CDS1: variants seen among roughly 807,000 people sequenced by gnomAD.
The protein encoded by CDS1 is phosphatidate cytidylyltransferase 1.
In CDS1, 41 loss-of-function variants were observed where a neutral mutation model predicts 62.1. The observed-to-expected ratio is 0.66, with a 90% CI of 0.51 to 0.86. The LOEUF is 0.86. CDS1 is among the 40% of genes least tolerant of loss of function. The probability of loss-of-function intolerance (pLI) is 0.00; values close to 1 mark genes in which losing one functional copy is unlikely to be tolerated. For missense variants in CDS1, 470 were observed against 550.1 expected (o/e 0.85, Z 1.46); for synonymous variants, 185 against 192.6 (o/e 0.96, Z 0.32).
At chr4:84,609,600 C>T (rs1723252763) in intron 3 of CDS1, 75 bp downstream of exon 3, 1 of 836,880 alleles carries the variant, frequency 1.2e-6, no homozygotes, top group Non-Finnish European at 2.0e-6. Context: ...GTAATTTGAG[C>T]ATATCATAAA....
rs1267926972 is a variant in CDS1, at chr4:84,635,210, A to G, written c.723-54A>G. Reference sequence around the variant, plus strand: ...ATCATAACCTTTCCGAATATCTGCCACTTACTCAGGTGAACTTTTTTCTGC... The same window carrying G: ...ATCATAACCTTTCCGAATATCTGCCGCTTACTCAGGTGAACTTTTTTCTGC... On this transcript the variant is annotated intron_variant, in intron 7 of 12. Transcript: ENST00000295887. 10 of 851,348 alleles carry G rather than the reference A, an allele frequency of 1.2e-5. No homozygotes were observed. In the East Asian group the frequency reaches 2.4e-4, roughly 21 times the overall value. 52.7% of individuals were successfully genotyped at this position (851,348 alleles called of 1,614,324 possible).
chr4:84,597,598 ACTGCACTCCAAC>A (rs1722791553), intron 1 of CDS1, among the ~76,000 whole-genome samples: 1 of 152,082 alleles, frequency 6.6e-6, no homozygotes, highest in African/African-American at 2.4e-5. Context: ...ATGATAGTGC[ACTGCACTCCAAC>A]CTGGGTGACC....
chr4:84,609,038 G>T (rs1452828471), intron 2 of CDS1, among the ~76,000 whole-genome samples: 1 of 151,858 alleles, frequency 6.6e-6, no homozygotes, highest in African/African-American at 2.4e-5. Context: ...AATTAGCCGG[G>T]TGTGGTGGCG....
chr4:84,640,890 G>A lies in CDS1; in HGVS notation c.932G>A (p.Arg311Gln), dbSNP rs776915359. The A allele has an allele frequency of 8.7e-6, 14 of 1,610,860 alleles. No homozygotes were observed. Among genetic ancestry groups the A allele is most frequent in the South Asian group, 4.4e-5 (4 of 90,662 alleles). The change falls in exon 10 of 13, where the codon CGA (arginine) becomes CAA (glutamine). Residue 311 changes from arginine to glutamine, a missense_variant. By Grantham distance (43) the Arg-to-Gln change is conservative (BLOSUM62 1). Coordinates refer to ENST00000295887, the MANE Select transcript of CDS1 (RefSeq NM_001263.4). ...TACTTTGTCTGCCCAGTGGAATACC[G>A]AAGTGATGTAAACTCCTTCGTGACA... The part of the protein sequence containing the change: ...YQYFVCPVEY[R>Q]SDVNSFVTEC...
chr4:84,642,902 T>C, intron 10 of CDS1, 122 bp from the exon 11 acceptor site: 1 of 969,368 alleles, frequency 1.0e-6, no homozygotes, highest in Non-Finnish European at 1.5e-6. Flanking sequence ...TTTGAAAAAT[T>C]AACAAAAATG....
At chr4:84,630,222 A>G (rs888631439) in intron 5 of CDS1, among the ~76,000 whole-genome samples, 27 of 152,312 alleles carry the variant, frequency 1.8e-4, no homozygotes, top group African/African-American at 5.8e-4. Context: ...TTTTGATGCC[A>G]TTAATTTCAT....
At chr4:84,645,393 G>T in intron 12 of CDS1, 68 bp downstream of exon 12, 2 of 972,808 alleles carry the variant, frequency 2.1e-6, no homozygotes, top group South Asian at 2.7e-5. Context: ...ACATTAGTTT[G>T]AGTAAGTTAA....
In CDS1 at chr4:84,634,000, C is replaced by T. The variant is rs76109142; in HGVS notation, c.722+61C>T. Reference sequence around the variant, plus strand: ...TCATAGCACTTTTATAGTTCTTTAACGTTGGATAGTGTCTTACAGATTTCT... The same window carrying T: ...TCATAGCACTTTTATAGTTCTTTAATGTTGGATAGTGTCTTACAGATTTCT... On this transcript the variant is annotated intron_variant, in intron 7 of 12. Transcript: ENST00000295887. 8.3e-3 allele frequency: 7,639 copies of T among 921,570 alleles called. 392 individuals carry two copies. The African/African-American group carries it at 0.11, about 14-fold the overall frequency. 57.1% of individuals were successfully genotyped at this position (921,570 alleles called of 1,614,324 possible).
intron 5 of CDS1, among the ~76,000 whole-genome samples, chr4:84,621,863 A>G (rs1723696745): frequency 6.6e-6 from 1 of 152,218 alleles, no homozygotes; most frequent in Non-Finnish European, 1.5e-5. Flanking sequence ...ACTGGTACTC[A>G]TATGATGGTA....
At chr4:84,638,361 G>A (rs1429377354) in intron 8 of CDS1, among the ~76,000 whole-genome samples, 1 of 152,146 alleles carries the variant, frequency 6.6e-6, no homozygotes, top group Non-Finnish European at 1.5e-5. Flanking sequence ...GTCAATACTT[G>A]AGCAAATACA....
At chr4:84,640,791 A>C in intron 9 of CDS1, 47 bp from the exon 10 acceptor site, 2 of 1,429,152 alleles carry the variant, frequency 1.4e-6, no homozygotes, top group Non-Finnish European at 9.3e-7. Flanking sequence ...TGTGTTATGA[A>C]CTTTTGCTTT....
At chr4:84,642,662 T>C (rs1408879263) in intron 10 of CDS1, among the ~76,000 whole-genome samples, 1 of 152,166 alleles carries the variant, frequency 6.6e-6, no homozygotes, top group African/African-American at 2.4e-5. Context: ...TATTAAATTA[T>C]ATAATTACAG....
intron 5 of CDS1, among the ~76,000 whole-genome samples, chr4:84,625,994 C>G (rs551924718): frequency 2.0e-5 from 3 of 151,754 alleles, no homozygotes; most frequent in African/African-American, 4.8e-5. Context: ...ATGGAGAAAC[C>G]CCATCTCTAC....
chr4:84,636,199 A>G (rs188678043), intron 8 of CDS1, among the ~76,000 whole-genome samples: 109 of 152,244 alleles, frequency 7.2e-4, no homozygotes, highest in African/African-American at 2.6e-3. Context: ...ACTTTCTCAA[A>G]GAAGAGATTA....
intron 1 of CDS1, among the ~76,000 whole-genome samples, chr4:84,601,929 A>ACATG (rs1486554778): frequency 7.6e-6 from 1 of 131,258 alleles, no homozygotes; most frequent in African/African-American, 2.8e-5. Context: ...ATAAATACAT[A>ACATG]CATGCATACA....
chr4:84,621,630 T>C (rs1041897645), intron 5 of CDS1, among the ~76,000 whole-genome samples: 2 of 152,194 alleles, frequency 1.3e-5, no homozygotes. Flanking sequence ...TCTCCCCATG[T>C]GGCCCAGGCT....
intron 1 of CDS1, among the ~76,000 whole-genome samples, chr4:84,596,256 A>G (rs931623780): frequency 5.3e-5 from 8 of 152,188 alleles, no homozygotes; most frequent in African/African-American, 1.9e-4. Flanking sequence ...GATTGCTGCT[A>G]AAACAAATCA....
intron 1 of CDS1, among the ~76,000 whole-genome samples, chr4:84,591,152 A>G (rs780362805): frequency 2.6e-4 from 40 of 152,182 alleles, no homozygotes; most frequent in Middle Eastern, 3.2e-3. Context: ...ATATATACAC[A>G]TGTAGTATGA....
intron 6 of CDS1, among the ~76,000 whole-genome samples, chr4:84,633,130 G>A (rs537613168): frequency 1.3e-5 from 2 of 152,096 alleles, no homozygotes; most frequent in Non-Finnish European, 2.9e-5. Flanking sequence ...TCTCAAGGGT[G>A]GGGGTCCAGG....
Sources: allele counts gnomAD v4.1 joint callset (sites outside exome capture counted in the v4.1 genomes callset), GRCh38; gene constraint gnomAD v4.1.1; transcripts MANE v1.5; gene names NCBI Gene and HGNC (gene_info 2026-07-23, HGNC 2026-07-21).